Variants in DNAH17 observed in about 807,000 individuals in gnomAD.
DNAH17 encodes dynein axonemal heavy chain 17.
Under a neutral mutation model 485.6 loss-of-function variants are expected in DNAH17, and 376 were observed. That is an observed-to-expected ratio of 0.77 (90% CI 0.71 to 0.84). The LOEUF (loss-of-function observed/expected upper bound fraction) is 0.84, where lower values mean the gene tolerates loss of function less well. Ranked by LOEUF, DNAH17 falls within the 40% of genes least tolerant of loss-of-function variation. The pLI is 0.00. For missense variants in DNAH17, 6,370 were observed against 5,839.3 expected (o/e 1.09, Z -2.96); for synonymous variants, 3,031 against 2,405.9 (o/e 1.26, Z -7.60).
intron 69 of DNAH17, among the ~76,000 whole-genome samples, chr17:78,448,930 A>G (rs2087429005): frequency 6.6e-6 from 1 of 152,244 alleles, no homozygotes; most frequent in African/African-American, 2.4e-5. Flanking sequence ...AGCCTTGGGT[A>G]TTCTGTTATA....
At chr17:78,430,555 G>T (rs1476490727) in intron 75 of DNAH17, among the ~76,000 whole-genome samples, 1 of 152,178 alleles carries the variant, frequency 6.6e-6, no homozygotes, top group East Asian at 1.9e-4. Flanking sequence ...TTGGTCTCAT[G>T]AATTTATATA....
At chr17:78,539,715 T>C in intron 18 of DNAH17, 22 bp downstream of exon 18, 4 of 1,571,260 alleles carry the variant, frequency 2.5e-6, no homozygotes, top group Non-Finnish European at 3.4e-6. Context: ...CATAAATATA[T>C]TACCTTATGT....
At chr17:78,449,190 G>A (rs73380046) in intron 69 of DNAH17, among the ~76,000 whole-genome samples, 2,883 of 152,240 alleles carry the variant, frequency 0.019, 88 homozygotes, top group African/African-American at 0.066. Context: ...AGCTCCCATT[G>A]GAATACTGTG....
chr17:78,503,076 GTTTGTA>G, intron 31 of DNAH17, 65 bp from the exon 32 acceptor site: 3 of 1,457,480 alleles, frequency 2.1e-6, no homozygotes, highest in Non-Finnish European at 2.7e-6. Context: ...CAATAATTTT[GTTTGTA>G]TTTGTTGTAA....
rs1217651893 is a variant in DNAH17 at position 78,480,036 on chromosome 17, TTTTTTTTTTTTTTA to T, written c.7753-418_7753-405del. Among the ~76,000 whole-genome samples, 442 of 73,788 alleles carry T rather than the reference TTTTTTTTTTTTTTA, an allele frequency of 6.0e-3. 18 individuals carry two copies. The highest frequency in any genetic ancestry group is 7.9e-3 in the Non-Finnish European group (320 of 40,488). 48.4% of individuals were successfully genotyped at this position (73,788 alleles called of 152,430 possible). A position where few individuals can be genotyped will look rare whatever the true frequency, so the allele number is the denominator to read the frequency against. Reference sequence around the variant, plus strand: ...TACTTTTTTTTTTTTTTTTTTTTTTTTTTTTTTTTTTTTAAAAAAAGTATGTCCCAGGCCGGGCA... The same window carrying T: ...TACTTTTTTTTTTTTTTTTTTTTTTTAAAAAAGTATGTCCCAGGCCGGGCA... On this transcript the variant is annotated intron_variant, in intron 49 of 80. Coordinates refer to ENST00000389840, the MANE Select transcript of DNAH17 (RefSeq NM_173628.4).
At chr17:78,545,155 C>A (rs1684189051) in intron 16 of DNAH17, among the ~76,000 whole-genome samples, 1 of 152,166 alleles carries the variant, frequency 6.6e-6, no homozygotes, top group African/African-American at 2.4e-5. Context: ...CACCCGCCTC[C>A]CTCCTCTGGC....
chr17:78,570,536 A>G (rs2092336676), intron 6 of DNAH17, among the ~76,000 whole-genome samples, 164 bp from the exon 7 acceptor site: 1 of 152,062 alleles, frequency 6.6e-6, no homozygotes. Context: ...GATGGCAGCC[A>G]AGAAACCCAC....
intron 62 of DNAH17, among the ~76,000 whole-genome samples, chr17:78,458,000 C>T (rs1054337362): frequency 1.3e-5 from 2 of 151,432 alleles, no homozygotes; most frequent in Admixed American, 6.6e-5. Flanking sequence ...GATGGGGTTT[C>T]GTCATATTGG....
In DNAH17 at chr17:78,442,494, C is replaced by G. The variant is rs79243991; in HGVS notation, c.11529-1295G>C. On this transcript the variant is annotated intron_variant, in intron 71 of 80. Transcript: ENST00000389840. ...GCCTCAGACCCTAGATGCTGTGATC[C>G]TTGTCTAGGAAGGAACTTCCAGAAC... 5.8e-3 allele frequency among the ~76,000 whole-genome samples: 882 copies of G among 152,364 alleles called. 6 individuals carry two copies. Among genetic ancestry groups the G allele is most frequent in the African/African-American group, 0.02 (851 of 41,590 alleles).
At position 78,479,560 on chromosome 17, in the gene DNAH17, T is replaced by A. The variant is rs1258387951; in HGVS notation, c.7825A>T (p.Thr2609Ser). 1.2e-6 allele frequency: 2 copies of A among 1,613,502 alleles called. No homozygotes were observed. The highest frequency in any genetic ancestry group is 4.5e-5 in the East Asian group (2 of 44,876). Reference sequence around the variant, plus strand: ...ACCGAGCGGAAGGCCAGGTGCTGCGTCAGGATTGTGTTGTAGATGGTGGTG... The same window carrying A: ...ACCGAGCGGAAGGCCAGGTGCTGCGACAGGATTGTGTTGTAGATGGTGGTG... ...ALTTIYNTIL[T>S]QHLAFRSVSM... The change falls in exon 50 of 81, where the codon ACG (threonine) becomes TCG (serine). Residue 2609 changes from threonine (T) to serine (S), a missense_variant. By Grantham distance (58) the Thr-to-Ser change is moderately conservative (BLOSUM62 1). Coordinates refer to ENST00000389840, the MANE Select transcript of DNAH17 (RefSeq NM_173628.4).
chr17:78,495,437 GTTTTT>G (rs147600821), intron 38 of DNAH17, among the ~76,000 whole-genome samples: 1 of 135,008 alleles, frequency 7.4e-6, no homozygotes, highest in Admixed American at 7.4e-5. Context: ...TCCTGGGAGT[GTTTTT>G]TTTTTTTTTT....
In DNAH17 at chr17:78,571,362, A is replaced by G; in HGVS notation, c.749T>C (p.Val250Ala). 1.2e-6 allele frequency: 2 copies of G among 1,613,820 alleles called. No homozygotes were observed. Among genetic ancestry groups the G allele is most frequent in the Non-Finnish European group, 1.7e-6 (2 of 1,179,780 alleles). Reference protein sequence around the residue: ...CIHEQLNRPKVNKIVEILEKA... With the variant: ...CIHEQLNRPKANKIVEILEKA... ...CTCTAGGATCTCAACAATCTTGTTC[A>G]CTTTGGGTCTGTTTAGCTGAGAAGG... The change falls in exon 5 of 81, where the codon GTG becomes GCG. Residue 250 changes from valine (V) to alanine (A), a missense_variant. By Grantham distance (64) the Val-to-Ala change is moderately conservative. Coordinates refer to ENST00000389840, the MANE Select transcript of DNAH17 (RefSeq NM_173628.4).
intron 75 of DNAH17, among the ~76,000 whole-genome samples, chr17:78,433,339 C>T (rs921142332): frequency 2.0e-5 from 3 of 152,170 alleles, no homozygotes; most frequent in Non-Finnish European, 4.4e-5. Context: ...TTACAGAGGG[C>T]CCCCTCCAGC....
chr17:78,549,778 T>A (rs966661147), intron 16 of DNAH17, among the ~76,000 whole-genome samples: 1 of 151,914 alleles, frequency 6.6e-6, no homozygotes, highest in Non-Finnish European at 1.5e-5. Context: ...GCCTCCAGAG[T>A]GGGCCTCCTC....
intron 17 of DNAH17, among the ~76,000 whole-genome samples, chr17:78,541,798 T>C (rs2091596927): frequency 6.6e-6 from 1 of 151,332 alleles, no homozygotes; most frequent in Non-Finnish European, 1.5e-5. Flanking sequence ...TCTCCTGTGC[T>C]CTGTTTCCAA....
Position 78,526,918 on chromosome 17 carries a change from C to T in DNAH17, c.3586G>A (p.Glu1196Lys), listed in dbSNP as rs373729196. The T allele has an allele frequency of 2.3e-5, 36 of 1,584,660 alleles. No homozygotes were observed. The highest frequency in any genetic ancestry group is 3.5e-5 in the South Asian group (3 of 86,850). ...KLTVAPLQAN[E>K]VSILRRKCQQ... ...CATTTCCGCCGCAGGATGCTGACCTCGTTGGCCTGGAGTGGTGCCACGGTC... is the reference window on the plus strand; with the variant it reads ...CATTTCCGCCGCAGGATGCTGACCTTGTTGGCCTGGAGTGGTGCCACGGTC... The change falls in exon 23 of 81, where the codon GAG becomes AAG. Residue 1196 changes from glutamate (E) to lysine (K), a missense_variant. Transcript: ENST00000389840.
intron 19 of DNAH17, among the ~76,000 whole-genome samples, chr17:78,536,120 G>A (rs1354239537): frequency 6.6e-6 from 1 of 152,048 alleles, no homozygotes; most frequent in Non-Finnish European, 1.5e-5. Context: ...CAAATTGCCT[G>A]AGTACTGGGA....
intron 71 of DNAH17, among the ~76,000 whole-genome samples, chr17:78,443,126 CT>C (rs2087137545): frequency 6.6e-6 from 1 of 152,170 alleles, no homozygotes; most frequent in African/African-American, 2.4e-5. Flanking sequence ...CTGTTTCCTT[CT>C]TTTAGGTGGC....
At chr17:78,479,911 CTG>C (rs1275718132) in intron 49 of DNAH17, among the ~76,000 whole-genome samples, 1 of 147,770 alleles carries the variant, frequency 6.8e-6, no homozygotes, top group Non-Finnish European at 1.5e-5. Context: ...ATCCAGATCT[CTG>C]TGTGTTTAGA....
Sources: allele counts gnomAD v4.1 joint callset (sites outside exome capture counted in the v4.1 genomes callset), GRCh38; gene constraint gnomAD v4.1.1; transcripts MANE v1.5; gene names NCBI Gene and HGNC (gene_info 2026-07-23, HGNC 2026-07-21).